Variants in ANXA6 observed in about 807,000 individuals in gnomAD.
ANXA6 encodes the protein annexin A6.
A neutral mutation model predicts 95.4 loss-of-function variants in ANXA6; 71 were observed. The observed-to-expected ratio is 0.74, with a 90% CI of 0.61 to 0.91. The LOEUF (loss-of-function observed/expected upper bound fraction) is 0.91, where lower values mean the gene tolerates loss of function less well. ANXA6 is among the 40% of genes least tolerant of loss of function. ANXA6 has a pLI of 0.00. For synonymous variants in ANXA6, 289 were observed against 315.9 expected (o/e 0.91, Z 0.90); for missense variants, 830 against 876.4 (o/e 0.95, Z 0.67).
At chr5:151,152,055 C>T (rs908056415) in intron 1 of ANXA6, among the ~76,000 whole-genome samples, 3 of 152,180 alleles carry the variant, frequency 2.0e-5, no homozygotes, top group East Asian at 1.9e-4. Flanking sequence ...CTAGAAGGAA[C>T]GGCTCACCAC....
At position 151,101,177 on chromosome 5, in the gene ANXA6, G is replaced by A. The variant is rs1764537444; in HGVS notation, c.*271C>T. Reference sequence around the variant, plus strand: ...ACCAGGGCAGAGGCTGTAGCAAGGGGAGGAAGCTGGGAAAGCCTGAGGGTC... The same window carrying A: ...ACCAGGGCAGAGGCTGTAGCAAGGGAAGGAAGCTGGGAAAGCCTGAGGGTC... On this transcript the variant is annotated 3_prime_UTR_variant, in exon 26 of 26. Transcript: ENST00000354546. 3.4e-6 allele frequency: 2 copies of A among 583,382 alleles called. No homozygotes were observed. Among genetic ancestry groups the A allele is most frequent in the Admixed American group, 2.7e-5 (1 of 36,712 alleles). The allele number at this position is 583,382 out of a possible 1,614,324, so 36.1% of individuals were successfully genotyped here.
chr5:151,137,411 C>CA, intron 5 of ANXA6, 90 bp from the exon 6 acceptor site: 3 of 978,374 alleles, frequency 3.1e-6, no homozygotes, highest in Non-Finnish European at 4.6e-6. Context: ...AGAGCTATGA[C>CA]ACCCCAGGAC....
intron 2 of ANXA6, among the ~76,000 whole-genome samples, chr5:151,143,889 T>G: frequency 1.3e-5 from 2 of 148,520 alleles, no homozygotes; most frequent in Non-Finnish European, 3.0e-5. Context: ...CCCCAAGGAG[T>G]AGAGTAGGGA....
chr5:151,108,771 C>A (rs1011332336), intron 22 of ANXA6, among the ~76,000 whole-genome samples: 1 of 152,248 alleles, frequency 6.6e-6, no homozygotes, highest in Non-Finnish European at 1.5e-5. Context: ...ATCTGTCCCA[C>A]GCCAGTCCCC....
At chr5:151,104,290 T>C (rs533154921) in intron 24 of ANXA6, among the ~76,000 whole-genome samples, 1 of 152,306 alleles carries the variant, frequency 6.6e-6, no homozygotes, top group South Asian at 2.1e-4. Context: ...TGGAATGTGT[T>C]ACACCAGCCC....
chr5:151,139,744 T>A (rs1471846989), intron 3 of ANXA6, among the ~76,000 whole-genome samples: 1 of 152,196 alleles, frequency 6.6e-6, no homozygotes, highest in Non-Finnish European at 1.5e-5. Context: ...GGTCTCACAA[T>A]GAACCTGGCT....
chr5:151,136,241 A>C lies in ANXA6; in HGVS notation c.489+15T>G. The stretch of plus-strand genomic sequence containing the variant: ...ATCCCAAGCTCCAGAGGAAAAAAAT[A>C]GGCTGTGAACCAACCTGGAGCAGGA... On this transcript the variant is annotated intron_variant, in intron 7 of 25. Coordinates refer to ENST00000354546, the MANE Select transcript of ANXA6 (RefSeq NM_001155.5). 6.2e-7 allele frequency: 1 copy of C among 1,613,470 alleles called. No homozygotes were observed. Among genetic ancestry groups the C allele is most frequent in the South Asian group, 1.1e-5 (1 of 91,064 alleles).
intron 9 of ANXA6, 59 bp from the exon 10 acceptor site, chr5:151,132,630 T>C: frequency 1.4e-6 from 2 of 1,432,822 alleles, no homozygotes; most frequent in East Asian, 2.4e-5. Flanking sequence ...CGAGAAGAAA[T>C]GAGGACTTCA....
chr5:151,147,918 C>A lies in ANXA6; in HGVS notation c.-17G>T. On this transcript the variant is annotated 5_prime_UTR_variant, in exon 2 of 26. Transcript: ENST00000354546. ...TTTGGCCATGGTCTCCGGTTCGCAG[C>A]AGAATCCACTGTAGAGAAGAAAGAC... 6.2e-7 allele frequency: 1 copy of A among 1,604,266 alleles called. No individual in the cohort carries two copies. Among genetic ancestry groups the A allele is most frequent in the Non-Finnish European group, 8.5e-7 (1 of 1,175,132 alleles).
intron 24 of ANXA6, 113 bp downstream of exon 24, chr5:151,105,132 G>A: frequency 9.7e-7 from 1 of 1,031,268 alleles, no homozygotes; most frequent in South Asian, 1.3e-5. Context: ...AATGTCAAAT[G>A]GGAAGAAACA....
At chr5:151,119,428 C>T in intron 17 of ANXA6, 38 bp from the exon 18 acceptor site, 1 of 1,587,626 alleles carries the variant, frequency 6.3e-7, no homozygotes, top group Non-Finnish European at 8.6e-7. Flanking sequence ...AGCCATAGTT[C>T]TGACCTCCTG....
intron 14 of ANXA6, among the ~76,000 whole-genome samples, chr5:151,125,069 T>G (rs1273261526): frequency 6.6e-6 from 1 of 152,192 alleles, no homozygotes; most frequent in Non-Finnish European, 1.5e-5. Flanking sequence ...TTAAGTGGAT[T>G]AATGAGGCTT....
chr5:151,114,107 T>G (rs1277521734), intron 20 of ANXA6, among the ~76,000 whole-genome samples: 1 of 152,132 alleles, frequency 6.6e-6, no homozygotes, highest in Non-Finnish European at 1.5e-5. Context: ...GAAAGTAGAT[T>G]AGTGGTTGCT....
At chr5:151,113,778 TTCTA>T (rs1173549642) in intron 20 of ANXA6, among the ~76,000 whole-genome samples, 5 of 152,356 alleles carry the variant, frequency 3.3e-5, no homozygotes, top group African/African-American at 9.6e-5. Flanking sequence ...GACCCAGCAA[TTCTA>T]TCTAAGAGAA....
chr5:151,154,518 C>T (rs1457966654), intron 1 of ANXA6, among the ~76,000 whole-genome samples: 2 of 152,158 alleles, frequency 1.3e-5, no homozygotes, highest in Non-Finnish European at 2.9e-5. Flanking sequence ...AGGCCCCTGG[C>T]CTATAAAATC....
chr5:151,130,463 C>T (rs542224590), intron 11 of ANXA6, among the ~76,000 whole-genome samples: 4 of 152,260 alleles, frequency 2.6e-5, no homozygotes, highest in East Asian at 1.9e-4. Flanking sequence ...CTATGTTGCC[C>T]AGGCTGGTCT....
intron 7 of ANXA6, among the ~76,000 whole-genome samples, chr5:151,135,768 C>T (rs925282551): frequency 6.6e-6 from 1 of 152,188 alleles, no homozygotes; most frequent in Admixed American, 6.5e-5. Flanking sequence ...TAAATGTTAG[C>T]AACTAACTCA....
chr5:151,129,697 T>TTTTG (rs35609303), intron 11 of ANXA6, among the ~76,000 whole-genome samples, 168 bp from the exon 12 acceptor site: 51,626 of 149,160 alleles, frequency 0.35, 9,107 homozygotes, highest in African/African-American at 0.38. Flanking sequence ...CCTCTTACTG[T>TTTTG]TTTGTTTGTT....
chr5:151,136,300 C>T lies in ANXA6; in HGVS notation c.445G>A (p.Asp149Asn), dbSNP rs763536472. 8 of 1,613,742 alleles carry T rather than the reference C, an allele frequency of 5.0e-6. No homozygotes were observed. Among genetic ancestry groups the T allele is most frequent in the South Asian group, 2.2e-5 (2 of 91,070 alleles). The stretch of plus-strand genomic sequence containing the variant: ...ATCTTCTGGAAGTGGCCAGAGGTGT[C>T]GCCGATGATGTCAGCCTCCAGGTCC... ...ERDLEADIIG[D>N]TSGHFQKMLV... Residue 149 changes from aspartate (D) to asparagine (N), a missense_variant, in exon 7 of 26, where the codon GAC (aspartate) becomes AAC (asparagine). Physicochemically the swap from Asp to Asn is conservative, Grantham distance 23. Coordinates refer to ENST00000354546, the MANE Select transcript of ANXA6 (RefSeq NM_001155.5).
Sources: gnomAD v4.1 joint callset for allele counts (sites outside exome capture counted in the v4.1 genomes callset) on GRCh38, gnomAD v4.1.1 for gene constraint, MANE v1.5 for transcripts, NCBI Gene and HGNC (gene_info 2026-07-23, HGNC 2026-07-21) for gene names.